AIF1L: variants seen among roughly 807,000 people sequenced by gnomAD.
AIF1L encodes allograft inflammatory factor 1-like.
Under a neutral mutation model 20.7 loss-of-function variants are expected in AIF1L, and 12 were observed. That is an observed-to-expected ratio of 0.58 (90% CI 0.37 to 0.94). The LOEUF (loss-of-function observed/expected upper bound fraction) is 0.94. AIF1L is among the 40% of genes least tolerant of loss of function. The probability of loss-of-function intolerance (pLI) is 0.01; values close to 1 mark genes in which losing one functional copy is unlikely to be tolerated. For synonymous variants in AIF1L, 76 were observed against 65.1 expected (o/e 1.17, Z -0.81); for missense variants, 173 against 185.3 (o/e 0.93, Z 0.39).
chr9:131,116,338 A>T lies in AIF1L; in HGVS notation c.203-1418A>T, dbSNP rs561291882. Among the ~76,000 whole-genome samples the T allele has an allele frequency of 4.6e-5, 7 of 152,208 alleles. No individual in the cohort carries two copies. In the South Asian group the frequency reaches 1.5e-3, roughly 32 times the overall value. On this transcript the variant is annotated intron_variant, in intron 4 of 5. Coordinates refer to ENST00000247291, the MANE Select transcript of AIF1L (RefSeq NM_031426.4). Reference sequence around the variant, plus strand: ...GAGTGCAGTGGCACAATCTTGGCTCACTGCATCCTCAGCCTCCCAGGTTCA... The same window carrying T: ...GAGTGCAGTGGCACAATCTTGGCTCTCTGCATCCTCAGCCTCCCAGGTTCA...
At chr9:131,106,187 G>A (rs1215303158) in intron 2 of AIF1L, 1 of 1,535,246 alleles carries the variant, frequency 6.5e-7, no homozygotes, top group African/African-American at 1.4e-5. Context: ...TTCCTCCTCA[G>A]TACTGTGCAG....
Position 131,114,477 on chromosome 9 carries a change from C to T in AIF1L, c.161-100C>T. 5 of 1,384,092 alleles carry T rather than the reference C, an allele frequency of 3.6e-6. No individual in the cohort carries two copies. The South Asian group carries it at 5.8e-5, about 16-fold the overall frequency. The allele number at this position is 1,384,092 out of a possible 1,614,324, so 85.7% of individuals were successfully genotyped here. On this transcript the variant is annotated intron_variant, in intron 3 of 5. Coordinates refer to ENST00000247291, the MANE Select transcript of AIF1L (RefSeq NM_031426.4). The stretch of plus-strand genomic sequence containing the variant: ...GGTAGGGTGCGGGAGGTGGTTCAGA[C>T]TCCTGAGGACACGGTCATTTGCCCA...
chr9:131,115,004 T>C (rs2133400704), intron 4 of AIF1L, among the ~76,000 whole-genome samples: 1 of 152,344 alleles, frequency 6.6e-6, no homozygotes, highest in East Asian at 1.9e-4. Context: ...AAGTTGCTTT[T>C]ATATACGTTG....
At chr9:131,102,753 C>T (rs577805623) in intron 2 of AIF1L, 34 of 370,462 alleles carry the variant, frequency 9.2e-5, no homozygotes, top group African/African-American at 7.0e-4. Flanking sequence ...TCACCAGGTG[C>T]CAGCACCACT....
chr9:131,117,968 T>C, intron 5 of AIF1L, 50 bp downstream of exon 5: 11 of 1,534,634 alleles, frequency 7.2e-6, no homozygotes, highest in Non-Finnish European at 9.7e-6. Context: ...AATCATTCTG[T>C]GCAGAGAGGC....
At chr9:131,099,950 C>T (rs1360771285) in intron 2 of AIF1L, among the ~76,000 whole-genome samples, 1 of 152,100 alleles carries the variant, frequency 6.6e-6, no homozygotes, top group Non-Finnish European at 1.5e-5. Flanking sequence ...TGGTCTCGAA[C>T]TCCTGACCTC....
intron 5 of AIF1L, among the ~76,000 whole-genome samples, chr9:131,119,846 T>G (rs867088583): frequency 7.9e-5 from 12 of 152,158 alleles, no homozygotes; most frequent in Non-Finnish European, 1.2e-4. Context: ...GACACCACTC[T>G]CAGAGCAGTG....
Position 131,122,894 on chromosome 9 carries a change from C to G in AIF1L, c.*2572C>G, listed in dbSNP as rs1276503905. 6.6e-6 allele frequency: 1 copy of G among 152,270 alleles called. No homozygotes were observed. Among genetic ancestry groups the G allele is most frequent in the Admixed American group, 6.5e-5 (1 of 15,278 alleles). 9.4% of individuals were successfully genotyped at this position (152,270 alleles called of 1,614,324 possible). ...TCTGCATCTATTTCAGGTTGTGGCT[C>G]TTGGTTCTAGGACTCTTACTTCTCT... On this transcript the variant is annotated 3_prime_UTR_variant, in exon 6 of 6. Transcript: ENST00000247291.
At chr9:131,119,176 A>T (rs56363705) in intron 5 of AIF1L, among the ~76,000 whole-genome samples, 125,100 of 152,134 alleles carry the variant, frequency 0.82, 53,600 homozygotes, top group Non-Finnish European at 0.94. Context: ...GCATTGCCCC[A>T]GGGCAGTCTC....
At chr9:131,117,215 G>A (rs536457390) in intron 4 of AIF1L, among the ~76,000 whole-genome samples, 126 of 152,332 alleles carry the variant, frequency 8.3e-4, no homozygotes, top group African/African-American at 3.0e-3. Flanking sequence ...CCCTAGGACA[G>A]CAGGACAGGA....
At chr9:131,107,631 T>G (rs1370525216) in intron 2 of AIF1L, among the ~76,000 whole-genome samples, 1 of 152,254 alleles carries the variant, frequency 6.6e-6, no homozygotes, top group African/African-American at 2.4e-5. Flanking sequence ...CCTACTTTTA[T>G]GAAATGTTCT....
At chr9:131,111,465 T>C (rs1380068573) in intron 2 of AIF1L, 132 bp from the exon 3 acceptor site, 3 of 783,132 alleles carry the variant, frequency 3.8e-6, no homozygotes, top group Non-Finnish European at 6.4e-6. Context: ...GAAGCCGGGG[T>C]GAACAAGGGA....
At chr9:131,111,267 G>T in intron 2 of AIF1L, 1 of 276,586 alleles carries the variant, frequency 3.6e-6, no homozygotes. Flanking sequence ...TGTCTTTGGA[G>T]CTCACAGCTT....
intron 3 of AIF1L, chr9:131,112,426 C>T (rs1488311447): frequency 6.6e-6 from 1 of 152,328 alleles, no homozygotes; most frequent in African/African-American, 2.4e-5. Context: ...CCTCAAATCA[C>T]TTCCAGTTGT....
At chr9:131,106,393 C>A in intron 2 of AIF1L, 1 of 716,172 alleles carries the variant, frequency 1.4e-6, no homozygotes, top group Non-Finnish European at 2.4e-6. Context: ...TAAGCAGTGG[C>A]AGTGGAAATC....
At chr9:131,114,745 GC>G (rs1358726847) in intron 4 of AIF1L, 127 bp downstream of exon 4, 18 of 1,221,872 alleles carry the variant, frequency 1.5e-5, no homozygotes, top group Non-Finnish European at 2.0e-5. Context: ...CGCCGAGCCA[GC>G]CCCAGCCCCT....
rs1449459747 is a variant in AIF1L, at chr9:131,111,600, T to A, written c.97T>A (p.Phe33Ile). 1 of 1,613,730 alleles carries A rather than the reference T, an allele frequency of 6.2e-7. No homozygotes were observed. Among genetic ancestry groups the A allele is most frequent in the African/African-American group, 1.3e-5 (1 of 74,992 alleles). ...CACTGTCCTCTCACCTCTGTAGGAG[T>A]TTCTGTGTGACCAGAAGTACAGTGA... The part of the protein sequence containing the change: ...ERRLAEINRE[F>I]LCDQKYSDEE... The change falls in exon 3 of 6, where the codon TTT (phenylalanine) becomes ATT (isoleucine). Residue 33 changes from phenylalanine (F) to isoleucine (I), a missense_variant. Phe to Ile is a conservative substitution (Grantham distance 21). Coordinates refer to ENST00000247291, the MANE Select transcript of AIF1L (RefSeq NM_031426.4).
Position 131,096,555 on chromosome 9 carries a change from C to CCAGGCGCCTGTGCCTCCT in AIF1L, c.-73_-56dup. 1 of 1,467,542 alleles carries CCAGGCGCCTGTGCCTCCT rather than the reference C, an allele frequency of 6.8e-7. No homozygotes were observed. Among genetic ancestry groups the CCAGGCGCCTGTGCCTCCT allele is most frequent in the Non-Finnish European group, 9.0e-7 (1 of 1,114,862 alleles). The allele number at this position is 1,467,542 out of a possible 1,614,324, so 90.9% of individuals were successfully genotyped here. A position where few individuals can be genotyped will look rare whatever the true frequency, so the allele number is the denominator to read the frequency against. On this transcript the variant is annotated 5_prime_UTR_variant, in exon 1 of 6. Coordinates refer to ENST00000247291, the MANE Select transcript of AIF1L (RefSeq NM_031426.4). ...CACACGCAGCTAGCCGGAGCCCGGACCAGGCGCCTGTGCCTCCTCCTCGTC... is the reference window on the plus strand; with the variant it reads ...CACACGCAGCTAGCCGGAGCCCGGACCAGGCGCCTGTGCCTCCTCAGGCGCCTGTGCCTCCTCCTCGTC...
intron 5 of AIF1L, among the ~76,000 whole-genome samples, chr9:131,119,623 G>A (rs1270513613): frequency 1.3e-5 from 2 of 152,148 alleles, no homozygotes; most frequent in Non-Finnish European, 2.9e-5. Context: ...AAAGGAGCTT[G>A]TTGAGGCCCA....
Sources: gnomAD v4.1 joint callset for allele counts (sites outside exome capture counted in the v4.1 genomes callset) on GRCh38, gnomAD v4.1.1 for gene constraint, MANE v1.5 for transcripts, NCBI Gene and HGNC (gene_info 2026-07-23, HGNC 2026-07-21) for gene names.